The following DPP6 variants were observed in gnomAD, a reference collection of about 807,000 sequenced individuals.
DPP6 encodes the protein dipeptidyl peptidase like 6.
In DPP6, 69 loss-of-function variants were observed where a neutral mutation model predicts 122.6. That is an observed-to-expected ratio of 0.56 (90% confidence interval 0.46 to 0.69). The LOEUF (loss-of-function observed/expected upper bound fraction) is 0.69, where lower values mean the gene tolerates loss of function less well. DPP6 is among the 30% of genes least tolerant of loss of function. DPP6 has a pLI of 0.00. For synonymous variants in DPP6, 418 were observed against 433.1 expected (o/e 0.97, Z 0.43); for missense variants, 928 against 1,116.9 (o/e 0.83, Z 2.41).
intron 2 of DPP6, among the ~76,000 whole-genome samples, chr7:154,451,687 C>T (rs768218157): frequency 3.3e-5 from 5 of 152,224 alleles, no homozygotes; most frequent in African/African-American, 4.8e-5. Context: ...GGCCAGTTGT[C>T]AGGGGCAACT....
chr7:154,081,580 A>G (rs1013834030), intron 1 of DPP6, among the ~76,000 whole-genome samples: 34 of 148,154 alleles, frequency 2.3e-4, no homozygotes, highest in Non-Finnish European at 4.4e-4. Flanking sequence ...AGGCTGGGCA[A>G]TGAAGGCTTC....
rs747480844 is a variant in DPP6 at position 154,769,577 on chromosome 7, CAAAGGGACACCGCACA to C, written c.1038+7_1038+22del. 1 of 1,591,850 alleles carries C rather than the reference CAAAGGGACACCGCACA, an allele frequency of 6.3e-7. No individual in the cohort carries two copies. Among genetic ancestry groups the C allele is most frequent in the East Asian group, 2.3e-5 (1 of 44,426 alleles). ...AGCCCTACCACTATCCCAAGGTAGG[CAAAGGGACACCGCACA>C]GCAAATTCTTTATATTATTCATGAA... On this transcript the variant is annotated splice_region_variant and intron_variant, in intron 9 of 25. Transcript: ENST00000377770.
chr7:154,226,941 G>A (rs544825385), intron 1 of DPP6, among the ~76,000 whole-genome samples: 1 of 152,124 alleles, frequency 6.6e-6, no homozygotes, highest in Admixed American at 6.6e-5. Context: ...GATCCAGTCA[G>A]ATAATAGATG....
intron 16 of DPP6, among the ~76,000 whole-genome samples, chr7:154,835,095 G>A (rs927039368): frequency 3.3e-5 from 5 of 151,974 alleles, no homozygotes. Context: ...TCCCTTTTGT[G>A]ACTTATTTCC....
intron 1 of DPP6, among the ~76,000 whole-genome samples, chr7:154,158,698 G>A (rs1008671309): frequency 6.6e-6 from 1 of 151,902 alleles, no homozygotes; most frequent in Non-Finnish European, 1.5e-5. Flanking sequence ...TAGAATTTTG[G>A]GGGCTGAGAG....
chr7:153,884,216 T>C (rs984768671), upstream of DPP6, among the ~76,000 whole-genome samples: 2 of 152,090 alleles, frequency 1.3e-5, no homozygotes, highest in Non-Finnish European at 2.9e-5. Flanking sequence ...TGTGACCAAG[T>C]GTTCTCATTG....
At chr7:154,141,650 G>A (rs1317920106) in intron 1 of DPP6, among the ~76,000 whole-genome samples, 1 of 152,180 alleles carries the variant, frequency 6.6e-6, no homozygotes, top group African/African-American at 2.4e-5. Context: ...TTTTAAACTT[G>A]AAGGGCAGAG....
At chr7:154,359,941 A>T (rs1342042866) in intron 1 of DPP6, among the ~76,000 whole-genome samples, 1 of 152,284 alleles carries the variant, frequency 6.6e-6, no homozygotes, top group East Asian at 1.9e-4. Context: ...GACAAGAACG[A>T]TCTCCTTGGG....
upstream of DPP6, among the ~76,000 whole-genome samples, chr7:154,047,617 G>T (rs1330724689): frequency 6.6e-6 from 1 of 151,278 alleles, no homozygotes; most frequent in African/African-American, 2.5e-5. Flanking sequence ...AATAGGAAAT[G>T]ACAGGAGTTC....
At chr7:154,079,041 G>A (rs2533685) in intron 1 of DPP6, among the ~76,000 whole-genome samples, 4 of 150,664 alleles carry the variant, frequency 2.7e-5, no homozygotes, top group Admixed American at 6.6e-5. Flanking sequence ...GGTGTATCAC[G>A]CGGTCAGGAG....
At chr7:154,323,969 T>TA (rs1808197719) in intron 1 of DPP6, among the ~76,000 whole-genome samples, 1 of 152,202 alleles carries the variant, frequency 6.6e-6, no homozygotes, top group African/African-American at 2.4e-5. Context: ...ATCTCTCTTG[T>TA]AAAATACACA....
chr7:154,167,370 T>G (rs1261728617), intron 1 of DPP6, among the ~76,000 whole-genome samples: 1 of 152,250 alleles, frequency 6.6e-6, no homozygotes, highest in Non-Finnish European at 1.5e-5. Context: ...GCCAACCTTC[T>G]GCAGAAATAC....
intron 1 of DPP6, among the ~76,000 whole-genome samples, chr7:154,263,146 A>G (rs941671125): frequency 6.6e-6 from 1 of 152,198 alleles, no homozygotes; most frequent in African/African-American, 2.4e-5. Context: ...AGAGTAAGAA[A>G]CCTACCCCAC....
intron 1 of DPP6, among the ~76,000 whole-genome samples, chr7:154,046,263 T>C (rs2533752): frequency 0.51 from 77,162 of 151,806 alleles, 20,350 homozygotes; most frequent in African/African-American, 0.64. Flanking sequence ...AGAAGCCAGC[T>C]AGGGTATGCA....
intron 1 of DPP6, among the ~76,000 whole-genome samples, chr7:153,959,618 C>T (rs1309365916): frequency 2.0e-5 from 3 of 152,238 alleles, no homozygotes; most frequent in African/African-American, 7.2e-5. Flanking sequence ...CTGCAGCTTC[C>T]TCATTTTTCT....
chr7:154,611,764 G>A (rs1221310743), intron 5 of DPP6, among the ~76,000 whole-genome samples: 1 of 152,066 alleles, frequency 6.6e-6, no homozygotes, highest in African/African-American at 2.4e-5. Context: ...TTCCCCTAAA[G>A]TTAACATCTT....
chr7:154,010,092 T>C (rs1798090246), intron 1 of DPP6, among the ~76,000 whole-genome samples: 2 of 152,186 alleles, frequency 1.3e-5, no homozygotes, highest in African/African-American at 4.8e-5. Flanking sequence ...ATTTGACTTT[T>C]CCTGCCCTGA....
chr7:153,914,359 A>T (rs1212161564), intron 1 of DPP6, among the ~76,000 whole-genome samples: 1 of 152,186 alleles, frequency 6.6e-6, no homozygotes, highest in Admixed American at 6.5e-5. Context: ...GCATGAGAAC[A>T]GACTAATACA....
chr7:153,929,709 G>A (rs982677555), intron 1 of DPP6, among the ~76,000 whole-genome samples: 2 of 152,138 alleles, frequency 1.3e-5, no homozygotes, highest in African/African-American at 4.8e-5. Context: ...ACACTTGTCT[G>A]TTCTCTGTAT....
Sources: allele counts gnomAD v4.1 joint callset (sites outside exome capture counted in the v4.1 genomes callset), GRCh38; gene constraint gnomAD v4.1.1; transcripts MANE v1.5; gene names NCBI Gene and HGNC (gene_info 2026-07-23, HGNC 2026-07-21).